AKAP6: variants seen among roughly 807,000 people sequenced by gnomAD.
The protein encoded by AKAP6 is A-kinase anchoring protein 6, also known as A-kinase anchor protein 6.
A neutral mutation model predicts 188.5 loss-of-function variants in AKAP6; 58 were observed. That is an observed-to-expected ratio of 0.31 (90% CI 0.25 to 0.38). AKAP6 has a LOEUF of 0.38. Ranked by LOEUF, AKAP6 falls within the 10% of genes least tolerant of loss-of-function variation. The pLI is 1.00. For synonymous variants in AKAP6, 989 were observed against 998.6 expected, an observed-to-expected ratio of 0.99 and a Z score of 0.18; for missense variants, 2,710 against 2,740.0, an observed-to-expected ratio of 0.99 and a Z score of 0.24.
At chr14:32,695,363 G>A (rs1890360295) in intron 8 of AKAP6, among the ~76,000 whole-genome samples, 1 of 152,124 alleles carries the variant, frequency 6.6e-6, no homozygotes, top group African/African-American at 2.4e-5. Context: ...TAGGATATAT[G>A]TTTGCAGAGA....
intron 7 of AKAP6, among the ~76,000 whole-genome samples, chr14:32,647,334 G>A (rs1888025978): frequency 6.6e-6 from 1 of 152,086 alleles, no homozygotes; most frequent in South Asian, 2.1e-4. Flanking sequence ...TGCTTTCAGA[G>A]CTGGAAGATT....
intron 4 of AKAP6, among the ~76,000 whole-genome samples, chr14:32,566,818 A>G (rs73273471): frequency 0.02 from 3,061 of 152,248 alleles, 89 homozygotes; most frequent in African/African-American, 0.068. Flanking sequence ...AAAGATGTCT[A>G]TGAAAACTTT....
intron 7 of AKAP6, among the ~76,000 whole-genome samples, chr14:32,659,942 GT>G (rs1888615794): frequency 6.6e-6 from 1 of 151,970 alleles, no homozygotes; most frequent in South Asian, 2.1e-4. Flanking sequence ...AACCGACAAG[GT>G]GACACAAAAG....
chr14:32,746,541 GA>G (rs2031918595), intron 11 of AKAP6, among the ~76,000 whole-genome samples: 1 of 152,172 alleles, frequency 6.6e-6, no homozygotes, highest in Admixed American at 6.5e-5. Flanking sequence ...GCTGGTATCT[GA>G]GATGCAAGAC....
chr14:32,367,182 T>C (rs1887863404), intron 1 of AKAP6, among the ~76,000 whole-genome samples: 1 of 152,302 alleles, frequency 6.6e-6, no homozygotes, highest in African/African-American at 2.4e-5. Context: ...TGGGAATTTC[T>C]TTCTTGCTCC....
chr14:32,682,995 C>CTTTTTTTTTTTTTGTTTTTTTT (rs71115090), intron 8 of AKAP6, among the ~76,000 whole-genome samples: 1 of 142,258 alleles, frequency 7.0e-6, no homozygotes, highest in South Asian at 2.3e-4. Context: ...TTTTTTCTTC[C>CTTTTTTTTTTTTTGTTTTTTTT]TTTTTTTTTT....
chr14:32,479,941 GGGCTAA>G (rs1215969350), intron 2 of AKAP6, among the ~76,000 whole-genome samples: 1 of 152,152 alleles, frequency 6.6e-6, no homozygotes, highest in Non-Finnish European at 1.5e-5. Flanking sequence ...TTGTCCAGAT[GGGCTAA>G]GGCAGATTAC....
rs1010055106 is a variant in AKAP6 at position 32,672,251 on chromosome 14, G to T, written c.2731-6060G>T. On this transcript the variant is annotated intron_variant, in intron 7 of 13. Transcript: ENST00000280979. Reference sequence around the variant, plus strand: ...GGTGCTAAATGCATACAAAATAAAGGGGGGAAACATGCTGTTATTGATAAA... The same window carrying T: ...GGTGCTAAATGCATACAAAATAAAGTGGGGAAACATGCTGTTATTGATAAA... Among the ~76,000 whole-genome samples, 3 of 152,156 alleles carry T rather than the reference G, an allele frequency of 2.0e-5. No homozygotes were observed. In the South Asian group the frequency reaches 6.2e-4, roughly 32 times the overall value.
intron 9 of AKAP6, among the ~76,000 whole-genome samples, chr14:32,714,365 G>A (rs2030066101): frequency 6.6e-6 from 1 of 151,924 alleles, no homozygotes; most frequent in South Asian, 2.1e-4. Flanking sequence ...CTTGACACAG[G>A]GTTGTCACAA....
intron 9 of AKAP6, among the ~76,000 whole-genome samples, chr14:32,703,312 A>C (rs150311584): frequency 1.5e-3 from 229 of 152,222 alleles, no homozygotes; most frequent in African/African-American, 5.3e-3. Context: ...TTTGGGACTG[A>C]AGGCTGGAGC....
intron 1 of AKAP6, among the ~76,000 whole-genome samples, chr14:32,359,055 A>C (rs1887572361): frequency 6.6e-6 from 1 of 152,128 alleles, no homozygotes; most frequent in Non-Finnish European, 1.5e-5. Flanking sequence ...CTCAGCTAAC[A>C]CTTATTGGAT....
At chr14:32,780,455 G>A (rs1048221006) in intron 12 of AKAP6, among the ~76,000 whole-genome samples, 1 of 152,154 alleles carries the variant, frequency 6.6e-6, no homozygotes, top group Admixed American at 6.6e-5. Context: ...TGTACAATCT[G>A]AGATGATGGA....
At chr14:32,702,528 A>G (rs1028049963) in intron 9 of AKAP6, among the ~76,000 whole-genome samples, 1 of 151,632 alleles carries the variant, frequency 6.6e-6, no homozygotes, top group African/African-American at 2.4e-5. Flanking sequence ...GGAGCCTGTA[A>G]TTCCTATTTG....
chr14:32,686,387 A>G (rs887389124), intron 8 of AKAP6, among the ~76,000 whole-genome samples: 1 of 152,146 alleles, frequency 6.6e-6, no homozygotes, highest in Non-Finnish European at 1.5e-5. Flanking sequence ...ATAGCACAAC[A>G]GGGGGGCTAT....
chr14:32,521,523 A>G (rs1313656414), intron 2 of AKAP6, among the ~76,000 whole-genome samples: 3 of 152,224 alleles, frequency 2.0e-5, no homozygotes, highest in Non-Finnish European at 4.4e-5. Context: ...AAAAATCACA[A>G]GCATTCCTAT....
intron 1 of AKAP6, among the ~76,000 whole-genome samples, chr14:32,339,213 C>T (rs1216036125): frequency 6.6e-6 from 1 of 152,134 alleles, no homozygotes; most frequent in Non-Finnish European, 1.5e-5. Flanking sequence ...GCTCAATAAA[C>T]ATTTGTTACG....
intron 2 of AKAP6, among the ~76,000 whole-genome samples, chr14:32,451,215 G>A (rs1890924419): frequency 6.6e-6 from 1 of 152,098 alleles, no homozygotes; most frequent in Admixed American, 6.5e-5. Flanking sequence ...TGTTGCTTCA[G>A]TAATTTTGAT....
intron 6 of AKAP6, 36 bp downstream of exon 6, chr14:32,599,542 T>C (rs1885838335): frequency 6.6e-7 from 1 of 1,519,044 alleles, no homozygotes; most frequent in East Asian, 2.3e-5. Context: ...TCTTTACGTC[T>C]CCAGACTATT....
At chr14:32,385,799 A>G (rs1287897871) in intron 1 of AKAP6, among the ~76,000 whole-genome samples, 2 of 151,042 alleles carry the variant, frequency 1.3e-5, no homozygotes, top group African/African-American at 4.9e-5. Context: ...TGTATATCAT[A>G]TATGATATAT....
Sources: allele counts gnomAD v4.1 joint callset (sites outside exome capture counted in the v4.1 genomes callset), GRCh38; gene constraint gnomAD v4.1.1; transcripts MANE v1.5; gene names NCBI Gene and HGNC (gene_info 2026-07-23, HGNC 2026-07-21).